SCARB1: variants seen among roughly 807,000 people sequenced by gnomAD.
SCARB1 encodes scavenger receptor class B member 1.
SCARB1 carries 30 observed loss-of-function variants against 57.2 expected under a neutral mutation model. The ratio of observed to expected loss-of-function variants is 0.52; its 90% CI spans 0.39 to 0.71. SCARB1 has a LOEUF of 0.71. Ranked by LOEUF, SCARB1 falls within the 30% of genes least tolerant of loss-of-function variation. The pLI is 0.00. For missense variants in SCARB1, 543 were observed against 671.2 expected, an observed-to-expected ratio of 0.81 and a Z score of 2.11; for synonymous variants, 249 against 268.3, an observed-to-expected ratio of 0.93 and a Z score of 0.70.
At chr12:124,839,307 G>A (rs1222784936) in intron 1 of SCARB1, 1 of 453,498 alleles carries the variant, frequency 2.2e-6, no homozygotes, top group Admixed American at 2.4e-5. Context: ...GGAATCGTAC[G>A]GTATTTGTCC....
At chr12:124,833,989 C>T (rs1477609558) in intron 1 of SCARB1, among the ~76,000 whole-genome samples, 1 of 152,248 alleles carries the variant, frequency 6.6e-6, no homozygotes, top group Non-Finnish European at 1.5e-5. Context: ...CTCTGGGCTG[C>T]GGACGTGCCC....
intron 1 of SCARB1, among the ~76,000 whole-genome samples, chr12:124,825,514 T>C (rs1050794009): frequency 3.3e-5 from 5 of 151,256 alleles, no homozygotes; most frequent in African/African-American, 9.7e-5. Context: ...CTACTAAAAC[T>C]ACAAAAATTA....
At chr12:124,840,350 G>T (rs996138563) in intron 1 of SCARB1, among the ~76,000 whole-genome samples, 5 of 152,126 alleles carry the variant, frequency 3.3e-5, no homozygotes, top group Non-Finnish European at 7.4e-5. Context: ...GCTAATTTTT[G>T]TATTTTTAGT....
intron 1 of SCARB1, among the ~76,000 whole-genome samples, chr12:124,852,403 T>C (rs1218017722): frequency 6.6e-6 from 1 of 152,140 alleles, no homozygotes; most frequent in Non-Finnish European, 1.5e-5. Flanking sequence ...TGACCTCCCT[T>C]ACCCCTCGCT....
chr12:124,833,106 C>T (rs1033574410), intron 1 of SCARB1, among the ~76,000 whole-genome samples: 1 of 151,998 alleles, frequency 6.6e-6, no homozygotes, highest in Non-Finnish European at 1.5e-5. Context: ...TACTCTGACC[C>T]TCCTGCCTCC....
At chr12:124,786,152 G>C in intron 11 of SCARB1, 1 of 1,547,082 alleles carries the variant, frequency 6.5e-7, no homozygotes, top group African/African-American at 1.4e-5. Context: ...AGAACAGGCA[G>C]AGTAGTGGCA....
chr12:124,818,143 A>G (rs1452219830), intron 1 of SCARB1, among the ~76,000 whole-genome samples: 1 of 152,176 alleles, frequency 6.6e-6, no homozygotes, highest in Admixed American at 6.5e-5. Context: ...GGCGGGTTCT[A>G]AGAGCTGGGG....
At chr12:124,787,065 A>T (rs1464580078) in intron 10 of SCARB1, among the ~76,000 whole-genome samples, 1 of 152,244 alleles carries the variant, frequency 6.6e-6, no homozygotes, top group Non-Finnish European at 1.5e-5. Flanking sequence ...GAGAGAAGTA[A>T]GTTTAAGAGA....
chr12:124,842,805 C>T (rs550829382), intron 1 of SCARB1, among the ~76,000 whole-genome samples: 3 of 152,302 alleles, frequency 2.0e-5, no homozygotes, highest in African/African-American at 4.8e-5. Context: ...GTCCTATTTG[C>T]AAAGCCTGCT....
intron 1 of SCARB1, among the ~76,000 whole-genome samples, chr12:124,847,855 CAAT>C (rs1952227186): frequency 6.6e-6 from 1 of 152,208 alleles, no homozygotes. Flanking sequence ...CTGATTCACA[CAAT>C]GAGGCTTTTG....
At position 124,826,456 on chromosome 12, in the gene SCARB1, A is replaced by G. The variant is rs144068235; in HGVS notation, c.127-8749T>C. Among the ~76,000 whole-genome samples the G allele has an allele frequency of 1.0e-3, 155 of 152,190 alleles. 3 individuals carry two copies. Among genetic ancestry groups the G allele is most frequent in the African/African-American group, 3.5e-3 (146 of 41,520 alleles). Reference sequence around the variant, plus strand: ...CAGCATTTGGATGCCTTAAATATACATAATTTTTATTATTTATTTATTTTG... The same window carrying G: ...CAGCATTTGGATGCCTTAAATATACGTAATTTTTATTATTTATTTATTTTG... On this transcript the variant is annotated intron_variant, in intron 1 of 12. Transcript: ENST00000261693.
chr12:124,826,961 G>A (rs566526444), intron 1 of SCARB1, among the ~76,000 whole-genome samples: 1 of 152,280 alleles, frequency 6.6e-6, no homozygotes, highest in East Asian at 1.9e-4. Flanking sequence ...GAGGGCTGGG[G>A]GCTGGGGATG....
chr12:124,830,874 G>A (rs1483325831), intron 1 of SCARB1, among the ~76,000 whole-genome samples: 1 of 152,024 alleles, frequency 6.6e-6, no homozygotes, highest in African/African-American at 2.4e-5. Context: ...GTGCAGTGGT[G>A]TGATCTCAGC....
At position 124,814,685 on chromosome 12, in the gene SCARB1, C is replaced by T. The variant is rs1453103250; in HGVS notation, c.427-280G>A. On this transcript the variant is annotated intron_variant, in intron 3 of 12. Transcript: ENST00000261693. This position sits in a 1 kb window ranked among gnomAD's most constrained non-coding sequence, Gnocchi z 4.7. ...CAGTCCCAGAGGCGGGCCTGTGGCT[C>T]AGCCCTCAACAAGACAGCCCCTTTT... 6.6e-6 allele frequency among the ~76,000 whole-genome samples: 1 copy of T among 152,164 alleles called. No homozygotes were observed. The highest frequency in any genetic ancestry group is 6.5e-5 in the Admixed American group (1 of 15,282).
At position 124,814,235 on chromosome 12, in the gene SCARB1, G is replaced by A; in HGVS notation, c.597C>T (p.Phe199=). ...ATAATCCGAACTTGTCCTTGAAGGG[G>A]AACATGCCTGGAAAGTACTTGTTGA... ...NLINKYFPGM[F]PFKDKFGLFA... Residue 199 remains phenylalanine, a synonymous_variant, in exon 4 of 13, where the codon TTC becomes TTT. Coordinates refer to ENST00000261693, the MANE Select transcript of SCARB1 (RefSeq NM_005505.5). This position sits in a 1 kb window ranked among gnomAD's most constrained non-coding sequence, Gnocchi z 4.7. 2 of 1,614,196 alleles carry A rather than the reference G, an allele frequency of 1.2e-6. No homozygotes were observed. Among genetic ancestry groups the A allele is most frequent in the African/African-American group, 1.3e-5 (1 of 75,048 alleles).
In SCARB1 at chr12:124,778,698, G is replaced by A. The variant is rs747155; in HGVS notation, c.*1-112C>T. 6,864 of 956,776 alleles carry A rather than the reference G, an allele frequency of 7.2e-3. 338 individuals are homozygous for A. The African/African-American group carries it at 0.18, about 25-fold the overall frequency. 59.3% of individuals were successfully genotyped at this position (956,776 alleles called of 1,614,324 possible). A position where few individuals can be genotyped will look rare whatever the true frequency, so the allele number is the denominator to read the frequency against. On this transcript the variant is annotated intron_variant, in intron 12 of 12. Coordinates refer to ENST00000261693, the MANE Select transcript of SCARB1 (RefSeq NM_005505.5). ...CATCCCCAGCAGAGACTCCACCCCC[G>A]CCACCAGGCTGTCAGAAGTGAGAAG... is the stretch of plus-strand genomic sequence containing the variant.
At chr12:124,824,032 G>C (rs532969614) in intron 1 of SCARB1, among the ~76,000 whole-genome samples, 1 of 151,874 alleles carries the variant, frequency 6.6e-6, no homozygotes, top group East Asian at 1.9e-4. Flanking sequence ...AAATTAGCTG[G>C]GCATGGTGGC....
chr12:124,841,947 C>A (rs1315619589), intron 1 of SCARB1, among the ~76,000 whole-genome samples: 1 of 152,218 alleles, frequency 6.6e-6, no homozygotes, highest in Non-Finnish European at 1.5e-5. Flanking sequence ...GTAGCTCCAA[C>A]ACTTGGCACG....
intron 12 of SCARB1, among the ~76,000 whole-genome samples, chr12:124,779,867 A>G (rs1056781200): frequency 2.6e-5 from 4 of 152,276 alleles, no homozygotes; most frequent in Admixed American, 2.6e-4. Flanking sequence ...GGTCTGCTGC[A>G]CTGAGCCAGG....
Sources: allele counts gnomAD v4.1 joint callset (sites outside exome capture counted in the v4.1 genomes callset), GRCh38; gene constraint gnomAD v4.1.1; non-coding constraint Gnocchi (gnomAD v3.1); transcripts MANE v1.5; gene names NCBI Gene and HGNC (gene_info 2026-07-23, HGNC 2026-07-21).